Variants in SGCD observed in about 807,000 individuals in gnomAD.
The protein encoded by SGCD is delta-sarcoglycan.
A neutral mutation model predicts 36.6 loss-of-function variants in SGCD; 18 were observed. That is an observed-to-expected ratio of 0.49 (90% CI 0.34 to 0.73). The LOEUF is 0.73. Among genes scored for constraint, SGCD ranks in the 30% least tolerant of loss-of-function variants. The pLI, the probability that SGCD is intolerant of heterozygous loss-of-function variation, is 0.01. For synonymous variants in SGCD, 133 were observed against 130.6 expected, an observed-to-expected ratio of 1.02 and a Z score of -0.12; for missense variants, 387 against 346.7, an observed-to-expected ratio of 1.12 and a Z score of -0.92.
chr5:155,750,521 CT>C, the SGCD span, among the ~76,000 whole-genome samples: 4 of 152,098 alleles, frequency 2.6e-5, no homozygotes, highest in African/African-American at 9.7e-5. Context: ...CTATTTGTCC[CT>C]TTTAATTAGT....
intron 3 of SGCD, among the ~76,000 whole-genome samples, chr5:156,139,795 C>T (rs961561792): frequency 6.6e-6 from 1 of 152,182 alleles, no homozygotes; most frequent in Non-Finnish European, 1.5e-5. Flanking sequence ...AAGGATGATG[C>T]CTCCTCCAAA....
chr5:155,820,932 G>T, the SGCD span, among the ~76,000 whole-genome samples: 1 of 152,074 alleles, frequency 6.6e-6, no homozygotes, highest in African/African-American at 2.4e-5. Context: ...AGACCACAGA[G>T]AGAGCATGGG....
intron 3 of SGCD, among the ~76,000 whole-genome samples, chr5:156,345,641 C>T (rs998721755): frequency 6.6e-6 from 1 of 152,068 alleles, no homozygotes; most frequent in Non-Finnish European, 1.5e-5. Context: ...GCCTGGGAAA[C>T]ATAGCAAGAC....
intron 1 of SGCD, among the ~76,000 whole-genome samples, chr5:155,888,559 A>G (rs1756056302): frequency 6.6e-6 from 1 of 152,198 alleles, no homozygotes; most frequent in Non-Finnish European, 1.5e-5. Flanking sequence ...GTTTTTGATA[A>G]AGAAGTGGAT....
At chr5:155,845,014 C>T in the SGCD span, among the ~76,000 whole-genome samples, 36 of 152,104 alleles carry the variant, frequency 2.4e-4, no homozygotes, top group Non-Finnish European at 4.4e-5. Context: ...TCTCCTAATG[C>T]TATTCCTCCC....
intron 3 of SGCD, among the ~76,000 whole-genome samples, chr5:156,348,320 C>G (rs957945527): frequency 1.3e-5 from 2 of 152,074 alleles, no homozygotes; most frequent in African/African-American, 4.8e-5. Context: ...CAAACTGTCT[C>G]TGTTTGCCGA....
In SGCD at chr5:156,226,155, G is replaced by A. The variant is rs910825980; in HGVS notation, c.-44+102136G>A. Among the ~76,000 whole-genome samples, 11 of 152,016 alleles carry A rather than the reference G, an allele frequency of 7.2e-5. No individual in the cohort carries two copies. In the South Asian group the frequency reaches 8.3e-4, roughly 12 times the overall value. On this transcript the variant is annotated intron_variant, in intron 3 of 9. Transcript: ENST00000517913. ...TTTAGTGGTGATTTGTGAGATTTTG[G>A]TGCATTCATCACCTGAGCAGTATAC...
intron 3 of SGCD, among the ~76,000 whole-genome samples, chr5:156,401,038 A>G (rs1248343438): frequency 6.6e-6 from 1 of 152,228 alleles, no homozygotes; most frequent in African/African-American, 2.4e-5. Flanking sequence ...TGCAGATAAT[A>G]TACAAAATAT....
the SGCD span, among the ~76,000 whole-genome samples, chr5:155,822,660 A>G: frequency 2.0e-5 from 3 of 152,212 alleles, no homozygotes; most frequent in Non-Finnish European, 4.4e-5. Context: ...AGTTGTCTCC[A>G]TTATATTTTA....
intron 6 of SGCD, among the ~76,000 whole-genome samples, chr5:156,606,097 GT>G (rs1761435889): frequency 6.6e-6 from 1 of 152,282 alleles, no homozygotes; most frequent in Non-Finnish European, 1.5e-5. Context: ...TGCTTTTGGT[GT>G]TTTAGACATG....
rs981041435 is a variant in SGCD, at chr5:156,258,150, T to C, written c.-43-71384T>C. ...TCATGTTTGTTGTCAGTGACACAAT[T>C]TGAGCTTTCAAACAAAAGTTAGAAT... is the stretch of plus-strand genomic sequence containing the variant. On this transcript the variant is annotated intron_variant, in intron 3 of 9. Coordinates refer to the SGCD transcript ENST00000517913. Among the ~76,000 whole-genome samples the C allele has an allele frequency of 2.0e-5, 3 of 152,156 alleles. No individual in the cohort carries two copies. In the East Asian group the frequency reaches 5.8e-4, roughly 29 times the overall value.
At chr5:156,604,918 G>A (rs1761364326) in intron 6 of SGCD, among the ~76,000 whole-genome samples, 1 of 150,972 alleles carries the variant, frequency 6.6e-6, no homozygotes, top group Non-Finnish European at 1.5e-5. Context: ...AATTTTAGTT[G>A]TTATTGTTTT....
intron 7 of SGCD, among the ~76,000 whole-genome samples, chr5:156,718,434 G>C (rs966198580): frequency 3.3e-5 from 5 of 152,010 alleles, no homozygotes. Context: ...CAAGTATGTG[G>C]CTTTGGAAAA....
At chr5:156,460,481 C>T (rs1314843541) in intron 3 of SGCD, among the ~76,000 whole-genome samples, 4 of 152,100 alleles carry the variant, frequency 2.6e-5, no homozygotes, top group Admixed American at 6.5e-5. Context: ...TTGACCAGAA[C>T]TTTGAAGAAT....
chr5:156,449,194 A>G (rs12652669), intron 3 of SGCD, among the ~76,000 whole-genome samples: 9,479 of 152,124 alleles, frequency 0.062, 351 homozygotes, highest in East Asian at 0.12. Flanking sequence ...TCAGTTCTAT[A>G]CGATTGAGCA....
At chr5:155,789,457 A>G in the SGCD span, among the ~76,000 whole-genome samples, 46 of 152,272 alleles carry the variant, frequency 3.0e-4, no homozygotes, top group African/African-American at 9.4e-4. Flanking sequence ...AAAGAGAAAC[A>G]CAGCTTTATT....
At chr5:156,161,853 T>G (rs1288057397) in intron 3 of SGCD, among the ~76,000 whole-genome samples, 3 of 151,780 alleles carry the variant, frequency 2.0e-5, no homozygotes, top group Non-Finnish European at 4.4e-5. Context: ...TATTCCAAAG[T>G]CACAAAGTCA....
At chr5:156,158,074 C>T (rs1283849590) in intron 3 of SGCD, among the ~76,000 whole-genome samples, 2 of 150,114 alleles carry the variant, frequency 1.3e-5, no homozygotes, top group African/African-American at 5.0e-5. Context: ...TTTTTTTGCA[C>T]CATGATAAGG....
intron 1 of SGCD, among the ~76,000 whole-genome samples, chr5:155,923,783 A>C (rs534497820): frequency 6.6e-6 from 1 of 152,336 alleles, no homozygotes; most frequent in South Asian, 2.1e-4. Context: ...TTTTTCGCCT[A>C]GTAGGGAGTT....
Sources: allele counts gnomAD v4.1 joint callset (sites outside exome capture counted in the v4.1 genomes callset), GRCh38; gene constraint gnomAD v4.1.1; transcripts MANE v1.5; gene names NCBI Gene and HGNC (gene_info 2026-07-23, HGNC 2026-07-21).